Variants in SNTG1 observed in about 807,000 individuals in gnomAD.
SNTG1 encodes the protein syntrophin gamma 1.
SNTG1 carries 39 observed loss-of-function variants against 74.7 expected under a neutral mutation model. The ratio of observed to expected loss-of-function variants is 0.52; its 90% CI spans 0.40 to 0.68. The LOEUF is 0.68. Among genes scored for constraint, SNTG1 ranks in the 30% least tolerant of loss-of-function variants. The probability of loss-of-function intolerance (pLI) is 0.00; values close to 1 mark genes in which losing one functional copy is unlikely to be tolerated. For missense variants in SNTG1, 685 were observed against 609.5 expected, an observed-to-expected ratio of 1.12 and a Z score of -1.30; for synonymous variants, 254 against 217.1, an observed-to-expected ratio of 1.17 and a Z score of -1.49.
At chr8:50,079,067 T>A (rs1482582115) in intron 1 of SNTG1, among the ~76,000 whole-genome samples, 1 of 152,220 alleles carries the variant, frequency 6.6e-6, no homozygotes, top group Non-Finnish European at 1.5e-5. Flanking sequence ...CCTTTGGGTA[T>A]ACACCCAGTA....
In SNTG1 at chr8:49,922,887, A is replaced by G. The variant is rs530887051; in HGVS notation, c.-103+10656A>G. ...ACTTGGATGTAAATGAACCTACTAC[A>G]TGTAACTGGTTTTGGTTTTAACTCT... On this transcript the variant is annotated intron_variant, in intron 1 of 18. Coordinates refer to ENST00000642720, the MANE Select transcript of SNTG1 (RefSeq NM_018967.5). Among the ~76,000 whole-genome samples the G allele has an allele frequency of 8.5e-4, 130 of 152,248 alleles. 1 individual carries two copies. Among genetic ancestry groups the G allele is most frequent in the African/African-American group, 3.0e-3 (126 of 41,552 alleles).
At chr8:50,216,671 C>T (rs538026909) in intron 2 of SNTG1, among the ~76,000 whole-genome samples, 19 of 151,834 alleles carry the variant, frequency 1.3e-4, no homozygotes, top group Non-Finnish European at 1.9e-4. Flanking sequence ...ACTTTGTTGG[C>T]AATTAAGAAA....
At chr8:50,108,608 A>T (rs1208382415) in intron 1 of SNTG1, among the ~76,000 whole-genome samples, 1 of 152,220 alleles carries the variant, frequency 6.6e-6, no homozygotes, top group Non-Finnish European at 1.5e-5. Context: ...ACTGAATAAA[A>T]CAATAACAAC....
At chr8:50,535,234 A>G (rs941058675) in intron 10 of SNTG1, among the ~76,000 whole-genome samples, 1 of 152,138 alleles carries the variant, frequency 6.6e-6, no homozygotes, top group African/African-American at 2.4e-5. Context: ...AGACTACAAA[A>G]CTTGCCCCCA....
chr8:49,955,263 TA>T (rs773862884), intron 1 of SNTG1, among the ~76,000 whole-genome samples: 3 of 152,226 alleles, frequency 2.0e-5, no homozygotes, highest in Non-Finnish European at 4.4e-5. Flanking sequence ...TTTTGCTAGC[TA>T]AAATAATTTT....
chr8:50,058,050 T>C (rs1820172452), intron 1 of SNTG1, among the ~76,000 whole-genome samples: 1 of 152,118 alleles, frequency 6.6e-6, no homozygotes, highest in Non-Finnish European at 1.5e-5. Flanking sequence ...TTTGTAAATT[T>C]CTATGGGTGA....
chr8:50,102,255 C>T (rs1470219972), intron 1 of SNTG1, among the ~76,000 whole-genome samples: 5 of 150,124 alleles, frequency 3.3e-5, no homozygotes, highest in Admixed American at 6.6e-5. Context: ...GCCATTCTAA[C>T]TGGTGTGAGA....
In SNTG1 at chr8:50,733,822, C is replaced by T. The variant is rs546233917; in HGVS notation, c.1285-18179C>T. 6.6e-5 allele frequency among the ~76,000 whole-genome samples: 10 copies of T among 151,092 alleles called. No individual in the cohort carries two copies. The South Asian group carries it at 1.9e-3, about 28-fold the overall frequency. The stretch of plus-strand genomic sequence containing the variant: ...GCTTAGAGTTTTTCTTACATTTTAT[C>T]GTATTTTATACTATATAGCATTATG... On this transcript the variant is annotated intron_variant, in intron 17 of 18. Transcript: ENST00000642720.
chr8:50,322,802 T>C (rs1398976698), intron 2 of SNTG1, among the ~76,000 whole-genome samples: 2 of 151,958 alleles, frequency 1.3e-5, no homozygotes, highest in Non-Finnish European at 2.9e-5. Context: ...TTTCTTCTGC[T>C]TGATCAATTC....
At chr8:50,600,454 C>A (rs1192962308) in intron 13 of SNTG1, among the ~76,000 whole-genome samples, 1 of 148,962 alleles carries the variant, frequency 6.7e-6, no homozygotes, top group Non-Finnish European at 1.5e-5. Flanking sequence ...CTCATTAGAG[C>A]TCCAATCTCC....
intron 2 of SNTG1, among the ~76,000 whole-genome samples, chr8:50,303,864 A>G (rs2089760643): frequency 6.6e-6 from 1 of 152,096 alleles, no homozygotes; most frequent in African/African-American, 2.4e-5. Context: ...TGATGTTTTT[A>G]TTTTATTTTT....
intron 18 of SNTG1, among the ~76,000 whole-genome samples, chr8:50,784,448 G>T (rs1225246000): frequency 6.6e-6 from 1 of 152,026 alleles, no homozygotes; most frequent in Non-Finnish European, 1.5e-5. Flanking sequence ...ATACTAAAAA[G>T]GGCATTTTAT....
At chr8:50,772,460 T>C (rs1285803150) in intron 18 of SNTG1, among the ~76,000 whole-genome samples, 1 of 152,154 alleles carries the variant, frequency 6.6e-6, no homozygotes, top group Non-Finnish European at 1.5e-5. Context: ...TACTATTTTA[T>C]CTTGGAAATA....
intron 2 of SNTG1, among the ~76,000 whole-genome samples, chr8:50,174,893 G>A (rs1373312606): frequency 7.5e-6 from 1 of 132,832 alleles, no homozygotes; most frequent in Admixed American, 9.0e-5. Flanking sequence ...CCCGGTGTGT[G>A]ATGTTCCCCT....
At chr8:50,374,969 G>A (rs896207134) in intron 2 of SNTG1, among the ~76,000 whole-genome samples, 6 of 152,150 alleles carry the variant, frequency 3.9e-5, no homozygotes, top group Admixed American at 6.5e-5. Context: ...ATTAAAAAGT[G>A]AAGGTGTAAT....
intron 2 of SNTG1, among the ~76,000 whole-genome samples, chr8:50,317,703 T>G (rs2090363937): frequency 6.6e-6 from 1 of 152,188 alleles, no homozygotes. Flanking sequence ...TACTTTCCTT[T>G]TCTTCTCTGT....
chr8:50,488,408 G>A (rs1299574710), intron 8 of SNTG1, among the ~76,000 whole-genome samples: 2 of 152,096 alleles, frequency 1.3e-5, no homozygotes, highest in Non-Finnish European at 2.9e-5. Flanking sequence ...CTTTACCTAA[G>A]TATCTGTATG....
At chr8:50,011,512 C>A (rs2130573238) in intron 1 of SNTG1, among the ~76,000 whole-genome samples, 1 of 151,884 alleles carries the variant, frequency 6.6e-6, no homozygotes, top group East Asian at 1.9e-4. Context: ...TTTTTAACCT[C>A]TTAAGTATTT....
At chr8:50,052,949 C>G (rs1012856183) in intron 1 of SNTG1, among the ~76,000 whole-genome samples, 2 of 152,104 alleles carry the variant, frequency 1.3e-5, no homozygotes, top group Non-Finnish European at 2.9e-5. Context: ...TTGGAACACT[C>G]TTATATTGCT....
Sources: gnomAD v4.1 joint callset for allele counts (sites outside exome capture counted in the v4.1 genomes callset) on GRCh38, gnomAD v4.1.1 for gene constraint, MANE v1.5 for transcripts, NCBI Gene and HGNC (gene_info 2026-07-23, HGNC 2026-07-21) for gene names.